Variants in PLCB1 observed in about 807,000 individuals in gnomAD.
PLCB1 encodes the protein phospholipase C beta 1, also known as 1-phosphatidylinositol 4,5-bisphosphate phosphodiesterase beta-1.
A neutral mutation model predicts 161.8 loss-of-function variants in PLCB1; 46 were observed. The ratio of observed to expected loss-of-function variants is 0.28; its 90% CI spans 0.22 to 0.36. The LOEUF (loss-of-function observed/expected upper bound fraction) is 0.36. Among genes scored for constraint, PLCB1 ranks in the 10% least tolerant of loss-of-function variants. The probability of loss-of-function intolerance (pLI) is 1.00; values close to 1 mark genes in which losing one functional copy is unlikely to be tolerated. For missense variants in PLCB1, 1,016 were observed against 1,472.5 expected (o/e 0.69, Z 5.07); for synonymous variants, 517 against 503.7 (o/e 1.03, Z -0.35).
intron 2 of PLCB1, among the ~76,000 whole-genome samples, chr20:8,245,863 G>A (rs1042119273): frequency 6.6e-6 from 1 of 151,922 alleles, no homozygotes. Context: ...ATGTGGTACT[G>A]TGTAGTATTA....
intron 3 of PLCB1, among the ~76,000 whole-genome samples, chr20:8,473,614 G>A (rs1256543544): frequency 1.3e-5 from 2 of 152,150 alleles, no homozygotes; most frequent in Admixed American, 6.6e-5. Context: ...AGACCGAGGT[G>A]CCTGCCACAG....
At chr20:8,422,714 T>C (rs1196863901) in intron 3 of PLCB1, among the ~76,000 whole-genome samples, 2 of 152,166 alleles carry the variant, frequency 1.3e-5, no homozygotes, top group African/African-American at 4.8e-5. Flanking sequence ...TGGAGATATT[T>C]TTATGGGAGG....
At chr20:8,805,814 C>T (rs1269137733) in intron 31 of PLCB1, among the ~76,000 whole-genome samples, 2 of 152,188 alleles carry the variant, frequency 1.3e-5, no homozygotes, top group Admixed American at 1.3e-4. Context: ...TAGGTGACTT[C>T]TCTTTCTTAT....
chr20:8,813,988 G>T lies in PLCB1; in HGVS notation c.3423+23727G>T, dbSNP rs1478784975. Among the ~76,000 whole-genome samples, 6 of 152,276 alleles carry T rather than the reference G, an allele frequency of 3.9e-5. No homozygotes were observed. In the South Asian group the frequency reaches 6.2e-4, roughly 16 times the overall value. ...CCAGTGTGAATGAAGCTTTCTATGT[G>T]ATTTGTAGGTTTTTCCTCTGCCCTG... On this transcript the variant is annotated intron_variant, in intron 31 of 31. Coordinates refer to ENST00000338037, the MANE Select transcript of PLCB1 (RefSeq NM_015192.4).
At chr20:8,560,444 C>A (rs1410194659) in intron 3 of PLCB1, among the ~76,000 whole-genome samples, 3 of 151,648 alleles carry the variant, frequency 2.0e-5, no homozygotes, top group East Asian at 3.9e-4. Context: ...CTTATTACAA[C>A]CACTTGGAAA....
intron 31 of PLCB1, chr20:8,792,620 A>T (rs1568601621): frequency 2.1e-6 from 1 of 471,276 alleles, no homozygotes; most frequent in Non-Finnish European, 4.4e-6. Flanking sequence ...CTTTTCTTCC[A>T]TGAGGTTGCT....
chr20:8,535,253 A>G, intron 3 of PLCB1, among the ~76,000 whole-genome samples: 1 of 149,038 alleles, frequency 6.7e-6, no homozygotes, highest in East Asian at 2.0e-4. Context: ...TAAGTATGAT[A>G]TCTTCAGTGT....
At chr20:8,733,801 TAATAATAATAA>T (rs1368024171) in intron 19 of PLCB1, among the ~76,000 whole-genome samples, 3 of 143,176 alleles carry the variant, frequency 2.1e-5, no homozygotes, top group South Asian at 2.2e-4. Context: ...ATAATAATAA[TAATAATAATAA>T]TAATAATAAT....
chr20:8,181,195 G>A (rs1013120535), intron 2 of PLCB1, among the ~76,000 whole-genome samples: 1 of 144,494 alleles, frequency 6.9e-6, no homozygotes, highest in Admixed American at 7.2e-5. Context: ...GTTGCAGTGA[G>A]CCGAGATCAT....
chr20:8,426,788 G>T (rs977954460), intron 3 of PLCB1, among the ~76,000 whole-genome samples: 3 of 152,046 alleles, frequency 2.0e-5, no homozygotes, highest in Admixed American at 6.6e-5. Flanking sequence ...TCATAACATC[G>T]TGTCATAAAC....
chr20:8,618,646 A>T (rs533027642), intron 3 of PLCB1, among the ~76,000 whole-genome samples: 2 of 152,294 alleles, frequency 1.3e-5, no homozygotes, highest in South Asian at 4.1e-4. Flanking sequence ...AGAGATGACA[A>T]CTTTGGTCTT....
At chr20:8,400,765 T>G (rs1342373724) in intron 3 of PLCB1, among the ~76,000 whole-genome samples, 1 of 152,222 alleles carries the variant, frequency 6.6e-6, no homozygotes, top group Non-Finnish European at 1.5e-5. Context: ...CCATAATTTA[T>G]GTACTTAGTC....
chr20:8,729,623 A>G (rs1980125165), intron 18 of PLCB1: 1 of 152,148 alleles, frequency 6.6e-6, no homozygotes, highest in African/African-American at 2.4e-5. Flanking sequence ...ATATATATTC[A>G]TATATACATA....
At chr20:8,753,089 G>T (rs1981566618) in intron 23 of PLCB1, among the ~76,000 whole-genome samples, 1 of 151,934 alleles carries the variant, frequency 6.6e-6, no homozygotes, top group Non-Finnish European at 1.5e-5. Flanking sequence ...TCTAGGTTGT[G>T]GGCTCCTTAT....
intron 2 of PLCB1, among the ~76,000 whole-genome samples, chr20:8,200,055 AT>A (rs1353531588): frequency 6.6e-6 from 1 of 152,106 alleles, no homozygotes; most frequent in East Asian, 1.9e-4. Flanking sequence ...GGTTAAAAAA[AT>A]ATTTATTTAT....
chr20:8,242,610 A>C (rs1980678071), intron 2 of PLCB1, among the ~76,000 whole-genome samples: 1 of 151,996 alleles, frequency 6.6e-6, no homozygotes. Context: ...GCTGAAAGGT[A>C]ATGGTAACAA....
chr20:8,411,882 G>A (rs896876797), intron 3 of PLCB1, among the ~76,000 whole-genome samples: 1 of 152,112 alleles, frequency 6.6e-6, no homozygotes, highest in Non-Finnish European at 1.5e-5. Context: ...AATTAGCCAG[G>A]TGTGGTGGCG....
chr20:8,209,722 T>C (rs1978722965), intron 2 of PLCB1, among the ~76,000 whole-genome samples: 1 of 152,146 alleles, frequency 6.6e-6, no homozygotes. Context: ...GTGATCAATT[T>C]GATATGTCAC....
At chr20:8,734,604 A>G (rs1333418931) in intron 19 of PLCB1, among the ~76,000 whole-genome samples, 1 of 151,982 alleles carries the variant, frequency 6.6e-6, no homozygotes, top group Non-Finnish European at 1.5e-5. Flanking sequence ...CTGACCCTAA[A>G]CAATTCTAAA....
Sources: allele counts gnomAD v4.1 joint callset (sites outside exome capture counted in the v4.1 genomes callset), GRCh38; gene constraint gnomAD v4.1.1; transcripts MANE v1.5; gene names NCBI Gene and HGNC (gene_info 2026-07-23, HGNC 2026-07-21).